Variants in CREBZF observed in about 807,000 individuals in gnomAD.
The protein encoded by CREBZF is CREB/ATF bZIP transcription factor.
A neutral mutation model predicts 21.1 loss-of-function variants in CREBZF; 8 were observed. The observed-to-expected ratio is 0.38, with a 90% CI of 0.22 to 0.68. The LOEUF (loss-of-function observed/expected upper bound fraction) is 0.68, where lower values mean the gene tolerates loss of function less well. Among genes scored for constraint, CREBZF ranks in the 30% least tolerant of loss-of-function variants. The probability of loss-of-function intolerance (pLI) is 0.51; values close to 1 mark genes in which losing one functional copy is unlikely to be tolerated. For missense variants in CREBZF, 518 were observed against 484.3 expected (o/e 1.07, Z -0.65); for synonymous variants, 270 against 223.3 (o/e 1.21, Z -1.86).
In CREBZF at chr11:85,664,982, G is replaced by C. The variant is rs2082827878; in HGVS notation, c.-107C>G. ...GGTAGCCCCCGGCACTGGCCGAAAC[G>C]AAATGCAGGGAAAGGTCCGAGTCGC... On this transcript the variant is annotated 5_prime_UTR_variant, in exon 1 of 1. Coordinates refer to ENST00000527447, the MANE Select transcript of CREBZF (RefSeq NM_001039618.4). The surrounding 1 kb of genome is among the most constrained non-coding windows in gnomAD (Gnocchi z 5.5). The C allele has an allele frequency of 1.4e-6, 1 of 721,562 alleles. No homozygotes were observed. Among genetic ancestry groups the C allele is most frequent in the African/African-American group, 1.9e-5 (1 of 53,556 alleles). The allele number at this position is 721,562 out of a possible 1,614,324, so 44.7% of individuals were successfully genotyped here.
chr11:85,660,710 C>A lies in CREBZF; in HGVS notation c.*3101G>T. On this transcript the variant is annotated 3_prime_UTR_variant, in exon 1 of 1. Coordinates refer to ENST00000527447, the MANE Select transcript of CREBZF (RefSeq NM_001039618.4). ...TATCAGAGGTGTGACTACATTTTAA[C>A]AAAAGTGGACTTTTTAAGATAAGTC... 2 of 381,838 alleles carry A rather than the reference C, an allele frequency of 5.2e-6. No individual in the cohort carries two copies. Among genetic ancestry groups the A allele is most frequent in the Non-Finnish European group, 5.1e-6 (1 of 195,966 alleles). The allele number at this position is 381,838 out of a possible 1,614,324, so 23.7% of individuals were successfully genotyped here.
chr11:85,664,082 C>T lies in CREBZF; in HGVS notation c.794G>A (p.Arg265His). ...GTTGGCTAAGACTGCCCGTAGGTAG[C>T]GACTCTCCTCCTGCAGTGCCTGTAC... Reference protein sequence around the residue: ...KRVQALQEESRYLRAVLANET... With the variant: ...KRVQALQEESHYLRAVLANET... Residue 265 changes from arginine to histidine, a missense_variant, in exon 1 of 1, where the codon CGC becomes CAC. Around this residue, in one of 3 missense-constraint regions of CREBZF, gnomAD observed 114 missense variants for 134.1 expected, o/e 0.85. Coordinates refer to ENST00000527447, the MANE Select transcript of CREBZF (RefSeq NM_001039618.4). This position sits in a 1 kb window ranked among gnomAD's most constrained non-coding sequence, Gnocchi z 5.5. The T allele has an allele frequency of 1.2e-6, 2 of 1,613,638 alleles. No individual in the cohort carries two copies. The highest frequency in any genetic ancestry group is 1.7e-6 in the Non-Finnish European group (2 of 1,180,034).
chr11:85,672,251 C>T (rs556116256), intron 1 of CREBZF, among the ~76,000 whole-genome samples: 3 of 152,248 alleles, frequency 2.0e-5, no homozygotes, highest in African/African-American at 7.2e-5. Flanking sequence ...GCACACAGCA[C>T]GGGGCCCTGG....
At position 85,660,044 on chromosome 11, in the gene CREBZF, G is replaced by A. The variant is rs2082630379; in HGVS notation, c.*3767C>T. On this transcript the variant is annotated 3_prime_UTR_variant, in exon 1 of 1. Transcript: ENST00000527447. ...ACAAATCAATGCATCTATTTAAAAG[G>A]ACTACTCTTTATAGTTCAGAACTTT... 1 of 151,998 alleles carries A rather than the reference G, an allele frequency of 6.6e-6. No individual in the cohort carries two copies. The highest frequency in any genetic ancestry group is 1.5e-5 in the Non-Finnish European group (1 of 67,940). 9.4% of individuals were successfully genotyped at this position (151,998 alleles called of 1,614,324 possible).
chr11:85,673,644 TATGAC>T, intron 1 of CREBZF, among the ~76,000 whole-genome samples: 1 of 152,336 alleles, frequency 6.6e-6, no homozygotes, highest in East Asian at 1.9e-4. Context: ...TTTCTTAAAA[TATGAC>T]AGTAAAGTTT....
At chr11:85,676,339 T>A (rs2082942087) in intron 1 of CREBZF, among the ~76,000 whole-genome samples, 1 of 152,216 alleles carries the variant, frequency 6.6e-6, no homozygotes, top group South Asian at 2.1e-4. Flanking sequence ...AGAACTTGGC[T>A]GTTGTGCTCT....
chr11:85,667,903 G>A (rs1304601252), upstream of CREBZF, among the ~76,000 whole-genome samples: 1 of 152,142 alleles, frequency 6.6e-6, no homozygotes, highest in African/African-American at 2.4e-5. Context: ...CTTGGAGGCG[G>A]AGGTTGCAGT....
chr11:85,676,159 C>A (rs2082940834), intron 1 of CREBZF, among the ~76,000 whole-genome samples: 1 of 152,172 alleles, frequency 6.6e-6, no homozygotes, highest in Non-Finnish European at 1.5e-5. Flanking sequence ...CAGTTGCTGC[C>A]ACTCAAGTTG....
upstream of CREBZF, among the ~76,000 whole-genome samples, chr11:85,666,531 T>C (rs562279198): frequency 6.6e-6 from 1 of 152,338 alleles, no homozygotes; most frequent in South Asian, 2.1e-4. Context: ...ATGAATTCTT[T>C]AACTGCTCTT....
At chr11:85,670,197 A>AAAATT (rs934830256) in intron 1 of CREBZF, among the ~76,000 whole-genome samples, 15 of 152,188 alleles carry the variant, frequency 9.9e-5, no homozygotes, top group African/African-American at 2.9e-4. Context: ...ATACAAAATG[A>AAAATT]AAATTAATTT....
At position 85,663,129 on chromosome 11, in the gene CREBZF, G is replaced by T; in HGVS notation, c.*682C>A. ...ACCTCTGAAAAGTTGCCCTAAAATC[G>T]GAATTCCAATTTGCACCTTGTACAA... On this transcript the variant is annotated 3_prime_UTR_variant, in exon 1 of 1. Coordinates refer to ENST00000527447, the MANE Select transcript of CREBZF (RefSeq NM_001039618.4). 5.3e-6 allele frequency: 1 copy of T among 187,414 alleles called. No individual in the cohort carries two copies. Among genetic ancestry groups the T allele is most frequent in the East Asian group, 1.4e-4 (1 of 7,196 alleles). The allele number at this position is 187,414 out of a possible 1,614,324, so 11.6% of individuals were successfully genotyped here. A position where few individuals can be genotyped will look rare whatever the true frequency, so the allele number is the denominator to read the frequency against.
At position 85,662,271 on chromosome 11, in the gene CREBZF, G is replaced by A. The variant is rs1297227922; in HGVS notation, c.*1540C>T. On this transcript the variant is annotated 3_prime_UTR_variant, in exon 1 of 1. Coordinates refer to ENST00000527447, the MANE Select transcript of CREBZF (RefSeq NM_001039618.4). ...CAAATAACAAAATAAAACATTTTAT[G>A]TGTAAGATAACTTACATCTTTGGAC... 8.3e-6 allele frequency: 5 copies of A among 605,006 alleles called. No individual in the cohort carries two copies. Among genetic ancestry groups the A allele is most frequent in the Middle Eastern group, 2.9e-4 (1 of 3,416 alleles). 37.5% of individuals were successfully genotyped at this position (605,006 alleles called of 1,614,324 possible).
At chr11:85,682,409 T>A (rs2082981872) in intron 1 of CREBZF, among the ~76,000 whole-genome samples, 1 of 152,146 alleles carries the variant, frequency 6.6e-6, no homozygotes, top group African/African-American at 2.4e-5. Context: ...TCAAAATTTT[T>A]CGAAAGGGCA....
Position 85,661,085 on chromosome 11 carries a change from T to G in CREBZF, c.*2726A>C, listed in dbSNP as rs2082662680. On this transcript the variant is annotated 3_prime_UTR_variant, in exon 1 of 1. Coordinates refer to ENST00000527447, the MANE Select transcript of CREBZF (RefSeq NM_001039618.4). ...CAACAGTTTCACATTAATCATAACT[T>G]TTTTAATTAACAAGTAGTGAATCGG... is the stretch of plus-strand genomic sequence containing the variant. The G allele has an allele frequency of 6.5e-6, 1 of 153,264 alleles. No individual in the cohort carries two copies. Among genetic ancestry groups the G allele is most frequent in the Non-Finnish European group, 1.5e-5 (1 of 68,508 alleles). 9.5% of individuals were successfully genotyped at this position (153,264 alleles called of 1,614,324 possible).
At chr11:85,668,933 C>T (rs1467030935), upstream of CREBZF, among the ~76,000 whole-genome samples, 1 of 126,778 alleles carries the variant, frequency 7.9e-6, no homozygotes, top group Non-Finnish European at 1.6e-5. Flanking sequence ...ACCTGGGAGG[C>T]GGAGCTTGCA....
chr11:85,664,239 C>A lies in CREBZF; in HGVS notation c.637G>T (p.Ala213Ser). ...TTAAGGCGGGCAGCGGCCGCCGCCG[C>A]CTTCCGGGGACTCTTTGTCGCCGCC... ...NQAATKSPRK[A>S]AAAAARLNRL... The change falls in exon 1 of 1, where the codon GCG becomes TCG. Residue 213 changes from alanine to serine, a missense_variant. Coordinates refer to ENST00000527447, the MANE Select transcript of CREBZF (RefSeq NM_001039618.4). The surrounding 1 kb of genome is among the most constrained non-coding windows in gnomAD (Gnocchi z 5.5). 6.2e-7 allele frequency: 1 copy of A among 1,612,788 alleles called. No homozygotes were observed. Among genetic ancestry groups the A allele is most frequent in the Non-Finnish European group, 8.5e-7 (1 of 1,179,834 alleles).
Position 85,665,039 on chromosome 11 carries a change from CGCCAAGGCGCGGG to C in CREBZF, c.-177_-165del, listed in dbSNP as rs1004260905. On this transcript the variant is annotated 5_prime_UTR_variant, in exon 1 of 1. Coordinates refer to ENST00000527447, the MANE Select transcript of CREBZF (RefSeq NM_001039618.4). Reference sequence around the variant, plus strand: ...CCTCACTTGGCTAGTCGACCCCCCGCGCCAAGGCGCGGGGAGGGACGGGAGAACGAAGCGGTGA... The same window carrying C: ...CCTCACTTGGCTAGTCGACCCCCCGCGAGGGACGGGAGAACGAAGCGGTGA... The C allele has an allele frequency of 2.1e-4, 96 of 464,362 alleles. No individual in the cohort carries two copies. Among genetic ancestry groups the C allele is most frequent in the Admixed American group, 2.0e-3 (49 of 24,600 alleles). The allele number at this position is 464,362 out of a possible 1,614,324, so 28.8% of individuals were successfully genotyped here.
At position 85,663,278 on chromosome 11, in the gene CREBZF, C is replaced by T. The variant is rs2082739093; in HGVS notation, c.*533G>A. 2 of 548,218 alleles carry T rather than the reference C, an allele frequency of 3.6e-6. No homozygotes were observed. Among genetic ancestry groups the T allele is most frequent in the Non-Finnish European group, 3.3e-6 (1 of 306,504 alleles). The allele number at this position is 548,218 out of a possible 1,614,324, so 34.0% of individuals were successfully genotyped here. ...CATGTCCACACTGGGGACAGAAGAG[C>T]TAGGTACACGCAAGTCTGAATAAGG... On this transcript the variant is annotated 3_prime_UTR_variant, in exon 1 of 1. Transcript: ENST00000527447.
intron 1 of CREBZF, among the ~76,000 whole-genome samples, chr11:85,672,203 T>G (rs1189990476): frequency 6.6e-6 from 1 of 152,250 alleles, no homozygotes; most frequent in Non-Finnish European, 1.5e-5. Context: ...TAGCTACAGC[T>G]GGAGCATGCG....
Sources: allele counts gnomAD v4.1 joint callset (sites outside exome capture counted in the v4.1 genomes callset), GRCh38; gene constraint gnomAD v4.1.1; regional missense constraint gnomAD v4.1.1; non-coding constraint Gnocchi (gnomAD v3.1); transcripts MANE v1.5; gene names NCBI Gene and HGNC (gene_info 2026-07-23, HGNC 2026-07-21).